DMXL1: variants seen among roughly 807,000 people sequenced by gnomAD.
DMXL1 encodes the protein dmX-like protein 1.
A neutral mutation model predicts 319.2 loss-of-function variants in DMXL1; 99 were observed. The ratio of observed to expected loss-of-function variants is 0.31; its 90% CI spans 0.26 to 0.37. The LOEUF (loss-of-function observed/expected upper bound fraction) is 0.37, where lower values mean the gene tolerates loss of function less well. Among genes scored for constraint, DMXL1 ranks in the 10% least tolerant of loss-of-function variants. The probability of loss-of-function intolerance (pLI) is 1.00; values close to 1 mark genes in which losing one functional copy is unlikely to be tolerated. For missense variants in DMXL1, 3,745 were observed against 3,595.6 expected, an observed-to-expected ratio of 1.04 and a Z score of -1.06; for synonymous variants, 1,385 against 1,235.2, an observed-to-expected ratio of 1.12 and a Z score of -2.54.
At chr5:119,100,546 C>T (rs994967852) in intron 2 of DMXL1, 5 of 151,642 alleles carry the variant, frequency 3.3e-5, no homozygotes, top group Admixed American at 3.3e-4. Context: ...GAAAATTAAT[C>T]CTCATTTATC....
chr5:119,168,403 A>G (rs1773867677), intron 23 of DMXL1, among the ~76,000 whole-genome samples: 2 of 152,212 alleles, frequency 1.3e-5, no homozygotes, highest in African/African-American at 4.8e-5. Context: ...GGAATTTTTT[A>G]TATAGATGCA....
chr5:119,141,079 AAAC>A (rs1256453320), intron 13 of DMXL1, among the ~76,000 whole-genome samples: 1 of 152,232 alleles, frequency 6.6e-6, no homozygotes, highest in Non-Finnish European at 1.5e-5. Context: ...AACTCTCAAT[AAAC>A]TAGGTGTTGA....
intron 9 of DMXL1, among the ~76,000 whole-genome samples, chr5:119,124,581 T>C (rs1480479685): frequency 1.3e-5 from 2 of 149,278 alleles, no homozygotes; most frequent in African/African-American, 4.9e-5. Flanking sequence ...TTTTTTTTTT[T>C]TTTGAGACAG....
Position 119,118,915 on chromosome 5 carries a change from G to A in DMXL1, c.844G>A (p.Asp282Asn), listed in dbSNP as rs1761430701. 1.2e-6 allele frequency: 2 copies of A among 1,613,716 alleles called. No homozygotes were observed. The highest frequency in any genetic ancestry group is 2.7e-5 in the African/African-American group (2 of 74,922). ...LPNDCLLYGG[D>N]CSHWTESINL... The stretch of plus-strand genomic sequence containing the variant: ...AAATGATTGTTTGCTATACGGAGGT[G>A]ACTGCAGCCATTGGACTGAATCAAT... Residue 282 changes from aspartate (D) to asparagine (N), a missense_variant, in exon 8 of 44, where the codon GAC (aspartate) becomes AAC (asparagine). This residue lies in a region of DMXL1 where 2,096 missense variants were observed against 1,985.4 expected (regional missense o/e 1.06). Coordinates refer to ENST00000539542, the MANE Select transcript of DMXL1 (RefSeq NM_001290321.3).
chr5:119,176,555 T>C (rs193268978), intron 26 of DMXL1, among the ~76,000 whole-genome samples: 24 of 152,148 alleles, frequency 1.6e-4, no homozygotes, highest in Admixed American at 3.9e-4. Flanking sequence ...TACTCTGCCA[T>C]CTTGAAACTG....
intron 39 of DMXL1, chr5:119,236,595 TA>T (rs1787800515): frequency 6.6e-6 from 1 of 152,026 alleles, no homozygotes; most frequent in African/African-American, 2.4e-5. Context: ...CCCAATTTTT[TA>T]AATGCTATAT....
At position 119,133,302 on chromosome 5, in the gene DMXL1, A is replaced by G. The variant is rs377456160; in HGVS notation, c.1486A>G (p.Ile496Val). 2 of 1,614,050 alleles carry G rather than the reference A, an allele frequency of 1.2e-6. No homozygotes were observed. The highest frequency in any genetic ancestry group is 1.3e-5 in the African/African-American group (1 of 74,938). The change falls in exon 11 of 44, where the codon ATT (isoleucine) becomes GTT (valine). Residue 496 changes from isoleucine to valine, a missense_variant. Coordinates refer to ENST00000539542, the MANE Select transcript of DMXL1 (RefSeq NM_001290321.3). Reference protein sequence around the residue: ...WSKNADMLFSIHPMDGSLLVW... With the variant: ...WSKNADMLFSVHPMDGSLLVW... ...TAAAAATGCAGATATGCTATTTAGTATTCATCCCATGGATGGTTCTTTGCT... is the reference window on the plus strand; with the variant it reads ...TAAAAATGCAGATATGCTATTTAGTGTTCATCCCATGGATGGTTCTTTGCT...
chr5:119,116,216 C>T lies in DMXL1; in HGVS notation c.623C>T (p.Ser208Phe), dbSNP rs1451456266. 4 of 1,613,816 alleles carry T rather than the reference C, an allele frequency of 2.5e-6. No individual in the cohort carries two copies. The East Asian group carries it at 8.9e-5, about 36-fold the overall frequency. Residue 208 changes from serine to phenylalanine, a missense_variant, in exon 7 of 44, where the codon TCT (serine) becomes TTT (phenylalanine). Ser to Phe is a radical substitution (Grantham distance 155). Coordinates refer to ENST00000539542, the MANE Select transcript of DMXL1 (RefSeq NM_001290321.3). ...GAAAACTGGCGGACAGCTGTTACTT[C>T]TCCAGATGGAAGTTCAGAAAAACAA... is the stretch of plus-strand genomic sequence containing the variant. ...NVENWRTAVT[S>F]PDGSSEKQSQ...
At chr5:119,164,824 G>A (rs1247649570) in intron 20 of DMXL1, 148 bp downstream of exon 20, 1 of 649,538 alleles carries the variant, frequency 1.5e-6, no homozygotes, top group Non-Finnish European at 2.4e-6. Context: ...TTTATAACGT[G>A]TTTCAAAATA....
At chr5:119,122,738 G>A (rs551230449) in intron 9 of DMXL1, among the ~76,000 whole-genome samples, 3 of 151,906 alleles carry the variant, frequency 2.0e-5, no homozygotes, top group South Asian at 4.2e-4. Flanking sequence ...TCACTTCCTA[G>A]ATGTGATGGT....
intron 1 of DMXL1, among the ~76,000 whole-genome samples, chr5:119,097,381 G>C (rs1049186183): frequency 6.6e-6 from 1 of 152,192 alleles, no homozygotes; most frequent in Admixed American, 6.5e-5. Context: ...GGAGAGAGAT[G>C]ATCATGGTTC....
At chr5:119,225,007 G>A (rs1367556814) in intron 38 of DMXL1, among the ~76,000 whole-genome samples, 3 of 151,854 alleles carry the variant, frequency 2.0e-5, no homozygotes, top group Non-Finnish European at 2.9e-5. Context: ...TTGACATTTT[G>A]ACTACCAATC....
intron 1 of DMXL1, among the ~76,000 whole-genome samples, chr5:119,092,320 G>A (rs1021420119): frequency 6.6e-6 from 1 of 151,144 alleles, no homozygotes; most frequent in Admixed American, 6.6e-5. Context: ...GGGTCTTGCT[G>A]TGTTGCCCAG....
intron 3 of DMXL1, 44 bp downstream of exon 3, chr5:119,102,050 A>C (rs1005124257): frequency 4.0e-6 from 5 of 1,255,320 alleles, no homozygotes; most frequent in Non-Finnish European, 5.7e-6. Context: ...GAAATGTTTT[A>C]AGTATTGAAA....
At position 119,165,164 on chromosome 5, in the gene DMXL1, C is replaced by G. The variant is rs769949051; in HGVS notation, c.4873-19C>G. The G allele has an allele frequency of 6.9e-7, 1 of 1,446,938 alleles. No individual in the cohort carries two copies. Among genetic ancestry groups the G allele is most frequent in the East Asian group, 2.3e-5 (1 of 43,622 alleles). 89.6% of individuals were successfully genotyped at this position (1,446,938 alleles called of 1,614,324 possible). A position where few individuals can be genotyped will look rare whatever the true frequency, so the allele number is the denominator to read the frequency against. On this transcript the variant is annotated intron_variant, in intron 20 of 43. Coordinates refer to ENST00000539542, the MANE Select transcript of DMXL1 (RefSeq NM_001290321.3). ...AAAACTGTTTCTGTGAAATTTTGATCAATATTTTTTGATTATAGGTAGCTA... is the reference window on the plus strand; with the variant it reads ...AAAACTGTTTCTGTGAAATTTTGATGAATATTTTTTGATTATAGGTAGCTA...
chr5:119,128,891 C>G (rs1021467808), intron 9 of DMXL1, among the ~76,000 whole-genome samples: 2 of 152,116 alleles, frequency 1.3e-5, no homozygotes, highest in African/African-American at 4.8e-5. Flanking sequence ...TGGTGAAACC[C>G]TGTCTCTACT....
intron 4 of DMXL1, among the ~76,000 whole-genome samples, chr5:119,105,653 T>G (rs1758170989): frequency 6.6e-6 from 1 of 152,096 alleles, no homozygotes; most frequent in Non-Finnish European, 1.5e-5. Context: ...CCCAGCACTT[T>G]GGGAGGCTGA....
chr5:119,102,636 TA>T (rs1032292918), intron 3 of DMXL1, among the ~76,000 whole-genome samples: 1 of 151,984 alleles, frequency 6.6e-6, no homozygotes, highest in Non-Finnish European at 1.5e-5. Flanking sequence ...GGCAAGATTT[TA>T]AAAAAAGTTT....
chr5:119,181,881 A>T (rs1027780641), intron 28 of DMXL1, among the ~76,000 whole-genome samples: 3 of 152,194 alleles, frequency 2.0e-5, no homozygotes, highest in Admixed American at 6.5e-5. Flanking sequence ...AAAGAAGCGA[A>T]GGTCCTGTGG....
Sources: gnomAD v4.1 joint callset for allele counts (sites outside exome capture counted in the v4.1 genomes callset) on GRCh38, gnomAD v4.1.1 for gene constraint, gnomAD v4.1.1 regional missense constraint, MANE v1.5 for transcripts, NCBI Gene and HGNC (gene_info 2026-07-23, HGNC 2026-07-21) for gene names.